The following PAPPA2 variants were observed in gnomAD, a reference collection of about 807,000 sequenced individuals.
PAPPA2 encodes the protein pappalysin 2.
In PAPPA2, 86 loss-of-function variants were observed where a neutral mutation model predicts 176.4. That is an observed-to-expected ratio of 0.49 (90% confidence interval 0.41 to 0.58). The LOEUF (loss-of-function observed/expected upper bound fraction) is 0.58, where lower values mean the gene tolerates loss of function less well. PAPPA2 is among the 20% of genes least tolerant of loss of function. The pLI is 0.00. For synonymous variants in PAPPA2, 809 were observed against 852.2 expected, an observed-to-expected ratio of 0.95 and a Z score of 0.88; for missense variants, 2,073 against 2,256.9, an observed-to-expected ratio of 0.92 and a Z score of 1.65.
intron 20 of PAPPA2, among the ~76,000 whole-genome samples, chr1:176,798,059 G>C (rs889265257): frequency 6.6e-6 from 1 of 152,102 alleles, no homozygotes; most frequent in Non-Finnish European, 1.5e-5. Context: ...TATGACACAG[G>C]TACCACCAAC....
At chr1:176,761,479 G>A (rs1571287272) in intron 14 of PAPPA2, among the ~76,000 whole-genome samples, 1 of 152,202 alleles carries the variant, frequency 6.6e-6, no homozygotes. Flanking sequence ...GCAGGACATC[G>A]TGCAGACAGC....
At chr1:176,801,105 GCA>G (rs111806822) in intron 21 of PAPPA2, among the ~76,000 whole-genome samples, 31 of 148,788 alleles carry the variant, frequency 2.1e-4, no homozygotes, top group Admixed American at 4.7e-4. Context: ...ACACACACAC[GCA>G]CACACACACA....
intron 21 of PAPPA2, among the ~76,000 whole-genome samples, chr1:176,804,318 C>T (rs1181058583): frequency 6.6e-6 from 1 of 152,142 alleles, no homozygotes; most frequent in Non-Finnish European, 1.5e-5. Flanking sequence ...GACAATTTTG[C>T]ACCCACCACT....
intron 14 of PAPPA2, among the ~76,000 whole-genome samples, chr1:176,750,554 G>A (rs531292718): frequency 2.0e-4 from 31 of 152,130 alleles, no homozygotes; most frequent in African/African-American, 5.3e-4. Context: ...GCAGTGAACC[G>A]AGATCGCACC....
In PAPPA2 at chr1:176,724,025, C is replaced by T. The variant is rs145726568; in HGVS notation, c.3798+12044C>T. Among the ~76,000 whole-genome samples the T allele has an allele frequency of 3.0e-3, 463 of 152,242 alleles. 3 individuals are homozygous for T. Among genetic ancestry groups the T allele is most frequent in the Middle Eastern group, 0.02 (6 of 294 alleles). The stretch of plus-strand genomic sequence containing the variant: ...CTCAAGAATAAAATAATAAATCTGA[C>T]GCTCACATTTATGCCTCTTGATTCT... On this transcript the variant is annotated intron_variant, in intron 12 of 22. Coordinates refer to ENST00000367662, the MANE Select transcript of PAPPA2 (RefSeq NM_020318.3).
At position 176,556,999 on chromosome 1, in the gene PAPPA2, C is replaced by G. The variant is rs751267032; in HGVS notation, c.677C>G (p.Ser226Cys). The change falls in exon 2 of 23, where the codon TCC (serine) becomes TGC (cysteine). Residue 226 changes from serine to cysteine, a missense_variant. Physicochemically the swap from Ser to Cys is moderately radical, Grantham distance 112. Coordinates refer to ENST00000367662, the MANE Select transcript of PAPPA2 (RefSeq NM_020318.3). The stretch of plus-strand genomic sequence containing the variant: ...CATTTCCAACCTTGGCCCAAGCATT[C>G]CCTTAAACACAGGGTCAAAAAGAGT... ...SSHFQPWPKH[S>C]LKHRVKKSPP... The G allele has an allele frequency of 1.1e-5, 17 of 1,614,070 alleles. No homozygotes were observed. The highest frequency in any genetic ancestry group is 1.4e-5 in the Non-Finnish European group (16 of 1,180,010).
Position 176,595,535 on chromosome 1 carries a change from G to C in PAPPA2, c.1931G>C (p.Cys644Ser). 6.2e-7 allele frequency: 1 copy of C among 1,614,188 alleles called. No individual in the cohort carries two copies. The highest frequency in any genetic ancestry group is 1.1e-5 in the South Asian group (1 of 91,086). ...NMLNDFDDGD[C>S]CDPQVADVRK... is the part of the protein sequence containing the mutation. ...CTGAACGACTTTGACGACGGAGACTGCTGCGACCCCCAGGTGGCTGATGTG... is the reference window on the plus strand; with the variant it reads ...CTGAACGACTTTGACGACGGAGACTCCTGCGACCCCCAGGTGGCTGATGTG... The change falls in exon 3 of 23, where the codon TGC (cysteine) becomes TCC (serine). Residue 644 changes from cysteine (C) to serine (S), a missense_variant. This residue lies in a region of PAPPA2 where 1,196 missense variants were observed against 1,330.4 expected (regional missense o/e 0.90). Coordinates refer to ENST00000367662, the MANE Select transcript of PAPPA2 (RefSeq NM_020318.3).
chr1:176,582,282 T>G (rs936079318), intron 2 of PAPPA2, among the ~76,000 whole-genome samples: 1 of 152,176 alleles, frequency 6.6e-6, no homozygotes, highest in Admixed American at 6.5e-5. Flanking sequence ...TTTACTTGCT[T>G]CTTTCCAATT....
chr1:176,767,433 C>T (rs926146161), intron 15 of PAPPA2, among the ~76,000 whole-genome samples: 1 of 152,174 alleles, frequency 6.6e-6, no homozygotes, highest in African/African-American at 2.4e-5. Flanking sequence ...TCCCAACCTC[C>T]ACCTCCCGGG....
chr1:176,791,090 T>C (rs746639466), intron 18 of PAPPA2, among the ~76,000 whole-genome samples: 2 of 150,414 alleles, frequency 1.3e-5, no homozygotes, highest in Non-Finnish European at 2.9e-5. Flanking sequence ...TGTTCCTATA[T>C]ATAAAGGAAA....
intron 3 of PAPPA2, among the ~76,000 whole-genome samples, chr1:176,607,879 G>A (rs148270842): frequency 5.3e-5 from 8 of 152,150 alleles, no homozygotes; most frequent in South Asian, 2.1e-4. Flanking sequence ...CTGCCTAGCC[G>A]TTTTTAATTT....
chr1:176,618,954 C>T (rs1655431340), intron 3 of PAPPA2, among the ~76,000 whole-genome samples: 1 of 151,944 alleles, frequency 6.6e-6, no homozygotes. Flanking sequence ...GTTTTAGAGA[C>T]AAGAGAGGCC....
intron 1 of PAPPA2, among the ~76,000 whole-genome samples, chr1:176,474,376 C>T (rs1352988844): frequency 6.6e-6 from 1 of 152,204 alleles, no homozygotes; most frequent in South Asian, 2.1e-4. Flanking sequence ...GGAAGTGACA[C>T]ACATCCTTCC....
At position 176,556,637 on chromosome 1, in the gene PAPPA2, C is replaced by T. The variant is rs374087257; in HGVS notation, c.315C>T (p.Ser105=). ...SKPDTEGNAV[S]LVPPDLTENP... Reference sequence around the variant, plus strand: ...CAGACACTGAAGGAAATGCTGTGAGCCTTGTTCCCCCAGACCTGACTGAAA... The same window carrying T: ...CAGACACTGAAGGAAATGCTGTGAGTCTTGTTCCCCCAGACCTGACTGAAA... The change falls in exon 2 of 23, where the codon AGC becomes AGT. Residue 105 remains serine, a synonymous_variant. Coordinates refer to ENST00000367662, the MANE Select transcript of PAPPA2 (RefSeq NM_020318.3). The T allele has an allele frequency of 3.9e-5, 63 of 1,614,070 alleles. No homozygotes were observed. The highest frequency in any genetic ancestry group is 5.0e-5 in the Admixed American group (3 of 60,012).
At chr1:176,714,414 A>G (rs1015938375) in intron 12 of PAPPA2, among the ~76,000 whole-genome samples, 2 of 152,184 alleles carry the variant, frequency 1.3e-5, no homozygotes, top group Admixed American at 6.5e-5. Flanking sequence ...GGGAGAAAAA[A>G]AAAAAAGGAT....
intron 12 of PAPPA2, among the ~76,000 whole-genome samples, chr1:176,721,458 G>A (rs1480619696): frequency 1.3e-5 from 2 of 152,076 alleles, no homozygotes; most frequent in Admixed American, 6.6e-5. Flanking sequence ...CTCTTAATGT[G>A]GGCCTGCTGG....
intron 1 of PAPPA2, among the ~76,000 whole-genome samples, chr1:176,547,826 T>A (rs1294262204): frequency 6.6e-6 from 1 of 152,218 alleles, no homozygotes; most frequent in East Asian, 1.9e-4. Flanking sequence ...CATTTCTGGT[T>A]AAGAACCACT....
intron 14 of PAPPA2, among the ~76,000 whole-genome samples, chr1:176,744,261 C>T (rs1662808999): frequency 6.6e-6 from 1 of 152,070 alleles, no homozygotes; most frequent in Non-Finnish European, 1.5e-5. Flanking sequence ...AATGTCTATC[C>T]CTGCCTTCCT....
intron 1 of PAPPA2, among the ~76,000 whole-genome samples, chr1:176,488,805 C>T (rs969649358): frequency 6.6e-6 from 1 of 152,096 alleles, no homozygotes; most frequent in African/African-American, 2.4e-5. Context: ...TCTCTTTTTG[C>T]CTTCTGCCAT....
Sources: allele counts gnomAD v4.1 joint callset (sites outside exome capture counted in the v4.1 genomes callset), GRCh38; gene constraint gnomAD v4.1.1; regional missense constraint gnomAD v4.1.1; transcripts MANE v1.5; gene names NCBI Gene and HGNC (gene_info 2026-07-23, HGNC 2026-07-21).